The following ATF7 variants were observed in gnomAD, a reference collection of about 807,000 sequenced individuals.
ATF7 encodes the protein activating transcription factor 7, also known as cyclic AMP-dependent transcription factor ATF-7.
ATF7 carries 10 observed loss-of-function variants against 50.4 expected under a neutral mutation model. That is an observed-to-expected ratio of 0.20 (90% confidence interval 0.12 to 0.34). ATF7 has a LOEUF of 0.34. Ranked by LOEUF, ATF7 falls within the 10% of genes least tolerant of loss-of-function variation. The pLI, the probability that ATF7 is intolerant of heterozygous loss-of-function variation, is 1.00. For synonymous variants in ATF7, 201 were observed against 226.4 expected, an observed-to-expected ratio of 0.89 and a Z score of 1.01; for missense variants, 465 against 613.9, an observed-to-expected ratio of 0.76 and a Z score of 2.56.
In ATF7 at chr12:53,513,163, T is replaced by A. The variant is rs530631208; in HGVS notation, c.*3974A>T. Reference sequence around the variant, plus strand: ...TACAAACCTACATCTACAGAGGACATAAGCTCCTTTAACCTGCCCTACTCT... The same window carrying A: ...TACAAACCTACATCTACAGAGGACAAAAGCTCCTTTAACCTGCCCTACTCT... On this transcript the variant is annotated 3_prime_UTR_variant, in exon 12 of 12. Transcript: ENST00000420353. 1 of 152,122 alleles carries A rather than the reference T, an allele frequency of 6.6e-6. No individual in the cohort carries two copies. Among genetic ancestry groups the A allele is most frequent in the Non-Finnish European group, 1.5e-5 (1 of 68,004 alleles). The allele number at this position is 152,122 out of a possible 1,614,324, so 9.4% of individuals were successfully genotyped here.
At chr12:53,540,856 TAA>T (rs1939510830) in intron 4 of ATF7, among the ~76,000 whole-genome samples, 1 of 152,114 alleles carries the variant, frequency 6.6e-6, no homozygotes, top group African/African-American at 2.4e-5. Flanking sequence ...CTCAGCCTCC[TAA>T]GTAGCCAGGA....
At chr12:53,557,839 G>C (rs1170947612) in intron 2 of ATF7, among the ~76,000 whole-genome samples, 1 of 152,112 alleles carries the variant, frequency 6.6e-6, no homozygotes, top group African/African-American at 2.4e-5. Flanking sequence ...ACACACACTG[G>C]ATTTCAAAGA....
intron 11 of ATF7, among the ~76,000 whole-genome samples, chr12:53,517,764 C>A (rs917299888): frequency 1.3e-5 from 2 of 149,076 alleles, no homozygotes; most frequent in Admixed American, 1.3e-4. Flanking sequence ...TGAGCCACTG[C>A]GCCTGGCCTT....
At chr12:53,552,733 T>C (rs1940459460) in intron 2 of ATF7, 96 bp from the exon 3 acceptor site, 1 of 920,338 alleles carries the variant, frequency 1.1e-6, no homozygotes, top group Middle Eastern at 2.1e-4. Context: ...TGCAATGAGA[T>C]TGGTCCCTGG....
chr12:53,570,729 C>CTG (rs1278665964), intron 2 of ATF7, among the ~76,000 whole-genome samples: 4 of 114,074 alleles, frequency 3.5e-5, no homozygotes, highest in East Asian at 7.4e-4. Context: ...TAGTGTTCTC[C>CTG]TGTGTGCGTG....
intron 1 of ATF7, among the ~76,000 whole-genome samples, chr12:53,622,095 G>C (rs1449413846): frequency 6.6e-6 from 1 of 151,612 alleles, no homozygotes; most frequent in Non-Finnish European, 1.5e-5. Context: ...GAGGTCAAGA[G>C]TTCAAGACCA....
downstream of ATF7, among the ~76,000 whole-genome samples, chr12:53,508,883 G>A (rs775503861): frequency 3.9e-4 from 59 of 152,192 alleles, no homozygotes; most frequent in Admixed American, 8.5e-4. Flanking sequence ...GGCTACTGTG[G>A]GGCTGGACTA....
intron 2 of ATF7, among the ~76,000 whole-genome samples, chr12:53,588,932 C>CT (rs895385444): frequency 2.9e-4 from 43 of 148,616 alleles, no homozygotes; most frequent in East Asian, 7.8e-4. Context: ...GAATTTACAC[C>CT]TTTTTTTTTT....
At chr12:53,568,031 G>A (rs1941539912) in intron 2 of ATF7, among the ~76,000 whole-genome samples, 1 of 152,210 alleles carries the variant, frequency 6.6e-6, no homozygotes, top group East Asian at 1.9e-4. Context: ...AAATGGGTGG[G>A]AAGGACAAAG....
chr12:53,553,643 G>C (rs556875867), intron 2 of ATF7, among the ~76,000 whole-genome samples: 1 of 152,232 alleles, frequency 6.6e-6, no homozygotes, highest in Non-Finnish European at 1.5e-5. Context: ...TGAGGCTCCT[G>C]GCCATATTCC....
chr12:53,525,956 A>G (rs1410944863), intron 9 of ATF7, among the ~76,000 whole-genome samples: 1 of 152,224 alleles, frequency 6.6e-6, no homozygotes, highest in African/African-American at 2.4e-5. Context: ...CATGCCTGTA[A>G]TCCCAGCACT....
chr12:53,523,109 C>T (rs1002786115), intron 11 of ATF7, 167 bp downstream of exon 11: 5 of 581,778 alleles, frequency 8.6e-6, no homozygotes, highest in Admixed American at 3.1e-5. Context: ...ATATCGTCTA[C>T]AAAAACATTT....
At chr12:53,509,954 C>A (rs1944099564), downstream of ATF7, among the ~76,000 whole-genome samples, 1 of 152,164 alleles carries the variant, frequency 6.6e-6, no homozygotes, top group Admixed American at 6.5e-5. Flanking sequence ...CGGACTAAGC[C>A]AGGGTAAACC....
At chr12:53,560,335 T>C (rs1941028146) in intron 2 of ATF7, among the ~76,000 whole-genome samples, 2 of 152,158 alleles carry the variant, frequency 1.3e-5, no homozygotes, top group Admixed American at 6.5e-5. Flanking sequence ...TGCAGTTCTT[T>C]TCCTAACCTC....
In ATF7 at chr12:53,535,328, C is replaced by CAAAAAAAAAAAAAAAA. The variant is rs397938442; in HGVS notation, c.403-685_403-670dup. Among the ~76,000 whole-genome samples the CAAAAAAAAAAAAAAAA allele has an allele frequency of 3.6e-3, 233 of 64,816 alleles. 6 individuals are homozygous for CAAAAAAAAAAAAAAAA. The highest frequency in any genetic ancestry group is 0.01 in the African/African-American group (182 of 17,814). The allele number at this position is 64,816 out of a possible 152,430, so 42.5% of individuals were successfully genotyped here. A position where few individuals can be genotyped will look rare whatever the true frequency, so the allele number is the denominator to read the frequency against. On this transcript the variant is annotated intron_variant, in intron 5 of 11. Transcript: ENST00000420353. ...CTGGCGACAGAGCGAGACTCTGCCTCAAAAAAAAAAAAAAAAAGAAAAGGG... is the reference window on the plus strand; with the variant it reads ...CTGGCGACAGAGCGAGACTCTGCCTCAAAAAAAAAAAAAAAAAAAAAAAAAAAAAAAAAGAAAAGGG...
chr12:53,552,736 G>T, intron 2 of ATF7, 99 bp from the exon 3 acceptor site: 1 of 904,348 alleles, frequency 1.1e-6, no homozygotes, highest in Non-Finnish European at 1.8e-6. Flanking sequence ...AATGAGATTG[G>T]TCCCTGGAAA....
At chr12:53,612,225 C>T (rs1014635533) in intron 1 of ATF7, among the ~76,000 whole-genome samples, 3 of 152,060 alleles carry the variant, frequency 2.0e-5, no homozygotes, top group African/African-American at 7.2e-5. Flanking sequence ...ATCCTCCTGC[C>T]TTGACCTCCT....
chr12:53,520,679 G>C (rs1359974702), intron 11 of ATF7, among the ~76,000 whole-genome samples: 2 of 152,016 alleles, frequency 1.3e-5, no homozygotes, highest in Non-Finnish European at 2.9e-5. Context: ...CTTAAACTCA[G>C]TTTGTCCAAA....
rs372787722 is a variant in ATF7, at chr12:53,597,032, A to G, written c.48+3921T>C. ...CCACATTCCACAGAGAGGTATTAGC[A>G]GGGATATTGCTTTCCCTGAGTTCCT... is the stretch of plus-strand genomic sequence containing the variant. On this transcript the variant is annotated intron_variant, in intron 2 of 11. Transcript: ENST00000420353. Among the ~76,000 whole-genome samples, 6 of 152,352 alleles carry G rather than the reference A, an allele frequency of 3.9e-5. 1 individual carries two copies. The highest frequency in any genetic ancestry group is 2.6e-4 in the Admixed American group (4 of 15,308).
Sources: allele counts gnomAD v4.1 joint callset (sites outside exome capture counted in the v4.1 genomes callset), GRCh38; gene constraint gnomAD v4.1.1; transcripts MANE v1.5; gene names NCBI Gene and HGNC (gene_info 2026-07-23, HGNC 2026-07-21).